Variants in THSD7A observed in about 807,000 individuals in gnomAD.
THSD7A encodes the protein thrombospondin type-1 domain-containing protein 7A.
THSD7A carries 96 observed loss-of-function variants against 231.3 expected under a neutral mutation model. That is an observed-to-expected ratio of 0.41 (90% CI 0.35 to 0.49). THSD7A has a LOEUF of 0.49. Ranked by LOEUF, THSD7A falls within the 20% of genes least tolerant of loss-of-function variation. The pLI is 0.05. For missense variants in THSD7A, 2,290 were observed against 2,070.2 expected (o/e 1.11, Z -2.06); for synonymous variants, 940 against 743.3 (o/e 1.26, Z -4.30).
intron 6 of THSD7A, among the ~76,000 whole-genome samples, chr7:11,496,663 C>T (rs1039911647): frequency 5.3e-5 from 8 of 152,270 alleles, no homozygotes; most frequent in Middle Eastern, 3.4e-3. Context: ...CCTGTGGCTA[C>T]GTAAGCTGCT....
intron 6 of THSD7A, among the ~76,000 whole-genome samples, chr7:11,530,636 G>C (rs1289857253): frequency 6.6e-6 from 1 of 152,114 alleles, no homozygotes; most frequent in Non-Finnish European, 1.5e-5. Flanking sequence ...AAAGCCAACT[G>C]GTAAAACGGA....
intron 23 of THSD7A, among the ~76,000 whole-genome samples, chr7:11,392,310 C>A (rs558365725): frequency 5.9e-5 from 9 of 152,006 alleles, no homozygotes; most frequent in Non-Finnish European, 1.2e-4. Flanking sequence ...ACTCTCTCCC[C>A]TAGCCAAGGG....
In THSD7A at chr7:11,557,781, T is replaced by C. The variant is rs576060507; in HGVS notation, c.1454-14664A>G. 1.7e-4 allele frequency among the ~76,000 whole-genome samples: 26 copies of C among 151,908 alleles called. 1 individual carries two copies. The highest frequency in any genetic ancestry group is 1.4e-3 in the Admixed American group (21 of 15,244). ...ATTGTCTTCACTAACATTGTGGGGG[T>C]GGGGAGTGCTTTACCAGATAGCAAC... On this transcript the variant is annotated intron_variant, in intron 4 of 27. Transcript: ENST00000423059.
At chr7:11,793,221 T>C (rs896587470) in intron 1 of THSD7A, among the ~76,000 whole-genome samples, 9 of 151,948 alleles carry the variant, frequency 5.9e-5, no homozygotes, top group Non-Finnish European at 1.2e-4. Flanking sequence ...GATGCCGAAA[T>C]TTTAATGATA....
At chr7:11,597,333 A>G (rs542697147) in intron 2 of THSD7A, among the ~76,000 whole-genome samples, 2 of 152,276 alleles carry the variant, frequency 1.3e-5, no homozygotes, top group African/African-American at 4.8e-5. Flanking sequence ...TTTTGGAGGG[A>G]ACACATTCCT....
chr7:11,776,658 T>C (rs749104258), intron 1 of THSD7A, among the ~76,000 whole-genome samples: 1 of 152,224 alleles, frequency 6.6e-6, no homozygotes, highest in Non-Finnish European at 1.5e-5. Flanking sequence ...ACCAGAATTA[T>C]GAAATTTGCA....
intron 9 of THSD7A, among the ~76,000 whole-genome samples, chr7:11,466,949 C>T (rs1785731817): frequency 6.6e-6 from 1 of 152,090 alleles, no homozygotes; most frequent in African/African-American, 2.4e-5. Context: ...TGAGCCCTCC[C>T]CAGCTCCAGG....
chr7:11,673,579 C>A (rs1451274399), intron 1 of THSD7A, among the ~76,000 whole-genome samples: 1 of 152,112 alleles, frequency 6.6e-6, no homozygotes, highest in Non-Finnish European at 1.5e-5. Flanking sequence ...CTTCATGGCC[C>A]CTCCTAAGAC....
chr7:11,493,131 A>T (rs185818281), intron 6 of THSD7A, among the ~76,000 whole-genome samples: 1 of 152,278 alleles, frequency 6.6e-6, no homozygotes, highest in African/African-American at 2.4e-5. Context: ...TAAAACGTAT[A>T]TAGCTGATAC....
Position 11,507,338 on chromosome 7 carries a change from A to T in THSD7A, c.1823-25356T>A, listed in dbSNP as rs536608915. Among the ~76,000 whole-genome samples, 5 of 152,308 alleles carry T rather than the reference A, an allele frequency of 3.3e-5. No individual in the cohort carries two copies. In the South Asian group the frequency reaches 1.0e-3, roughly 32 times the overall value. ...TGTAGATATCACTGCAATTCTCACC[A>T]ATACAAAGATAACTCAAAAGAAAGT... is the stretch of plus-strand genomic sequence containing the variant. On this transcript the variant is annotated intron_variant, in intron 6 of 27. Transcript: ENST00000423059.
Position 11,634,612 on chromosome 7 carries a change from T to C in THSD7A, c.1022+1518A>G, listed in dbSNP as rs73044116. On this transcript the variant is annotated intron_variant, in intron 2 of 27. Transcript: ENST00000423059. This position sits in a 1 kb window ranked among gnomAD's most constrained non-coding sequence, Gnocchi z 4.1. Reference sequence around the variant, plus strand: ...AGAGGTACACACACACACACACACATACACACACACACATTTAAGGAGTTG... The same window carrying C: ...AGAGGTACACACACACACACACACACACACACACACACATTTAAGGAGTTG... 1.7e-4 allele frequency among the ~76,000 whole-genome samples: 24 copies of C among 143,442 alleles called. No homozygotes were observed. The highest frequency in any genetic ancestry group is 5.8e-4 in the African/African-American group (23 of 39,410). 94.1% of individuals were successfully genotyped at this position (143,442 alleles called of 152,430 possible).
At chr7:11,379,758 T>G in intron 24 of THSD7A, 46 bp from the exon 25 acceptor site, 1 of 1,529,034 alleles carries the variant, frequency 6.5e-7, no homozygotes. Context: ...TATTTTGCTA[T>G]GATGAAAATA....
intron 1 of THSD7A, among the ~76,000 whole-genome samples, chr7:11,638,549 G>T (rs1195367081): frequency 3.9e-5 from 6 of 152,142 alleles, no homozygotes; most frequent in Non-Finnish European, 7.4e-5. Context: ...ATAGAATAGA[G>T]ACTTGCTGTA....
chr7:11,620,818 G>A (rs1290870292), intron 2 of THSD7A, among the ~76,000 whole-genome samples: 1 of 152,100 alleles, frequency 6.6e-6, no homozygotes, highest in Non-Finnish European at 1.5e-5. Context: ...CATTCAATCT[G>A]TACTTTTCCA....
chr7:11,436,482 C>T (rs1348691956), intron 13 of THSD7A, among the ~76,000 whole-genome samples: 1 of 152,006 alleles, frequency 6.6e-6, no homozygotes, highest in East Asian at 1.9e-4. Context: ...TTACCCTGGA[C>T]TTTTCCCTTT....
intron 1 of THSD7A, among the ~76,000 whole-genome samples, chr7:11,655,040 G>C (rs1293321428): frequency 6.6e-6 from 1 of 151,802 alleles, no homozygotes; most frequent in Non-Finnish European, 1.5e-5. Flanking sequence ...GTTAAATACA[G>C]GTAATACAGT....
At chr7:11,408,627 A>C (rs901730030) in intron 19 of THSD7A, among the ~76,000 whole-genome samples, 1 of 152,204 alleles carries the variant, frequency 6.6e-6, no homozygotes, top group African/African-American at 2.4e-5. Context: ...TCTGCATGAA[A>C]GAGAAGTTTA....
At chr7:11,797,301 T>C (rs564719459) in intron 1 of THSD7A, among the ~76,000 whole-genome samples, 1 of 152,046 alleles carries the variant, frequency 6.6e-6, no homozygotes, top group Admixed American at 6.6e-5. Flanking sequence ...TTTATGACAA[T>C]CTAATTTCCA....
intron 1 of THSD7A, among the ~76,000 whole-genome samples, chr7:11,670,272 A>G (rs141121196): frequency 6.6e-6 from 1 of 152,298 alleles, no homozygotes; most frequent in African/African-American, 2.4e-5. Context: ...TAAGGAGTTT[A>G]ACCTTTAGGT....
Sources: gnomAD v4.1 joint callset for allele counts (sites outside exome capture counted in the v4.1 genomes callset) on GRCh38, gnomAD v4.1.1 for gene constraint, Gnocchi (gnomAD v3.1) non-coding constraint, MANE v1.5 for transcripts, NCBI Gene and HGNC (gene_info 2026-07-23, HGNC 2026-07-21) for gene names.